Variants in GPC5 observed in about 807,000 individuals in gnomAD.
The protein encoded by GPC5 is glypican 5, also known as glypican-5.
In GPC5, 47 loss-of-function variants were observed where a neutral mutation model predicts 53.9. The observed-to-expected ratio is 0.87, with a 90% confidence interval of 0.69 to 1.11. GPC5 has a LOEUF of 1.11. Ranked by LOEUF, GPC5 falls within the 50% of genes most tolerant of loss-of-function variation. GPC5 has a pLI of 0.00. For synonymous variants in GPC5, 286 were observed against 263.3 expected (o/e 1.09, Z -0.84); for missense variants, 748 against 713.1 (o/e 1.05, Z -0.56).
chr13:91,655,891 GA>G (rs566737285), intron 2 of GPC5, among the ~76,000 whole-genome samples: 8 of 152,118 alleles, frequency 5.3e-5, no homozygotes, highest in Non-Finnish European at 1.0e-4. Context: ...CTTATGGGGT[GA>G]AAACAACTAT....
chr13:92,406,946 T>C (rs1875820897), intron 7 of GPC5, among the ~76,000 whole-genome samples: 1 of 152,218 alleles, frequency 6.6e-6, no homozygotes. Flanking sequence ...TTGCAGATTT[T>C]TTTAAATCTA....
At chr13:92,738,547 GCTGT>G (rs1174712003) in intron 7 of GPC5, among the ~76,000 whole-genome samples, 1 of 152,030 alleles carries the variant, frequency 6.6e-6, no homozygotes, top group Non-Finnish European at 1.5e-5. Context: ...TGAAAAATAT[GCTGT>G]CTGAGTGTGA....
intron 3 of GPC5, among the ~76,000 whole-genome samples, chr13:91,719,470 A>G (rs2036418247): frequency 6.6e-6 from 1 of 152,174 alleles, no homozygotes; most frequent in South Asian, 2.1e-4. Flanking sequence ...CTCAAATCCA[A>G]CACCAATACC....
intron 7 of GPC5, among the ~76,000 whole-genome samples, chr13:92,493,083 T>G (rs756176746): frequency 1.3e-5 from 2 of 152,228 alleles, no homozygotes; most frequent in African/African-American, 2.4e-5. Flanking sequence ...AGCTGTTCCT[T>G]CTTAACACAG....
chr13:92,296,918 ACCTGCAGC>A (rs2043039950), intron 7 of GPC5, among the ~76,000 whole-genome samples: 1 of 152,118 alleles, frequency 6.6e-6, no homozygotes, highest in Admixed American at 6.5e-5. Context: ...AGGGCTCGGG[ACCTGCAGC>A]CCGCCATGCC....
intron 5 of GPC5, among the ~76,000 whole-genome samples, chr13:91,841,725 A>C (rs148243253): frequency 0.013 from 1,950 of 152,272 alleles, 55 homozygotes; most frequent in African/African-American, 0.045. Flanking sequence ...AATGAGGGAA[A>C]TAAGAACAGA....
intron 2 of GPC5, among the ~76,000 whole-genome samples, chr13:91,674,526 TATGTGTATATATACGCATATATATGC>T: frequency 7.0e-6 from 1 of 142,184 alleles, no homozygotes; most frequent in African/African-American, 2.7e-5. Context: ...CATATATGCG[TATGTGTATATATACGCATATATATGC>T]GTATGTGTAT....
chr13:91,673,301 G>A (rs1322906186), intron 2 of GPC5, among the ~76,000 whole-genome samples: 1 of 152,000 alleles, frequency 6.6e-6, no homozygotes, highest in Non-Finnish European at 1.5e-5. Context: ...ATAAGAATCT[G>A]TAACCTGTCC....
At chr13:91,423,250 C>T (rs139960861) in intron 1 of GPC5, among the ~76,000 whole-genome samples, 3 of 152,252 alleles carry the variant, frequency 2.0e-5, no homozygotes, top group African/African-American at 7.2e-5. Context: ...AGTTTTGGAG[C>T]CACACTGCCA....
intron 5 of GPC5, among the ~76,000 whole-genome samples, chr13:91,884,098 T>G (rs1390721616): frequency 6.6e-6 from 1 of 152,068 alleles, no homozygotes; most frequent in Non-Finnish European, 1.5e-5. Flanking sequence ...AGTCAAAAAA[T>G]AACAGATGCT....
At chr13:91,949,453 A>G (rs1474216581) in intron 6 of GPC5, among the ~76,000 whole-genome samples, 3 of 152,160 alleles carry the variant, frequency 2.0e-5, no homozygotes, top group Non-Finnish European at 4.4e-5. Flanking sequence ...TACTTCAAAA[A>G]CCTACATACA....
intron 7 of GPC5, among the ~76,000 whole-genome samples, chr13:92,588,374 C>T (rs1290752370): frequency 6.6e-6 from 1 of 152,124 alleles, no homozygotes; most frequent in African/African-American, 2.4e-5. Flanking sequence ...AAAGAAAATG[C>T]ACATGTTTAT....
At chr13:92,122,195 A>G (rs1467564440) in intron 6 of GPC5, among the ~76,000 whole-genome samples, 23 of 152,148 alleles carry the variant, frequency 1.5e-4, no homozygotes, top group Admixed American at 1.4e-3. Flanking sequence ...AGCTTAGGCA[A>G]TTTAGGGTGC....
At chr13:92,178,820 CA>C (rs1348103495) in intron 7 of GPC5, among the ~76,000 whole-genome samples, 1 of 151,816 alleles carries the variant, frequency 6.6e-6, no homozygotes, top group Non-Finnish European at 1.5e-5. Flanking sequence ...ACTAAAAATA[CA>C]AAAAATTAGC....
intron 7 of GPC5, among the ~76,000 whole-genome samples, chr13:92,564,345 T>C (rs1882798217): frequency 6.6e-6 from 1 of 152,012 alleles, no homozygotes; most frequent in Admixed American, 6.6e-5. Context: ...AATTATACAA[T>C]TGGAGTTTTT....
intron 5 of GPC5, among the ~76,000 whole-genome samples, chr13:91,781,335 G>A (rs145619841): frequency 2.6e-5 from 4 of 152,170 alleles, no homozygotes; most frequent in Non-Finnish European, 5.9e-5. Context: ...CTATACTTAC[G>A]ATAGTGCGTA....
At chr13:92,647,435 TGAATCTAAGC>T (rs1885810361) in intron 7 of GPC5, among the ~76,000 whole-genome samples, 1 of 152,100 alleles carries the variant, frequency 6.6e-6, no homozygotes, top group Non-Finnish European at 1.5e-5. Flanking sequence ...TACAAAAAGC[TGAATCTAAGC>T]TGCCTACATA....
At chr13:92,799,133 T>C (rs1295476908) in intron 7 of GPC5, among the ~76,000 whole-genome samples, 5 of 151,766 alleles carry the variant, frequency 3.3e-5, no homozygotes, top group African/African-American at 1.2e-4. Context: ...ACCCCTCTCC[T>C]GTGGTAAATG....
chr13:92,816,695 C>T (rs1338096082), intron 7 of GPC5, among the ~76,000 whole-genome samples: 1 of 151,946 alleles, frequency 6.6e-6, no homozygotes, highest in Non-Finnish European at 1.5e-5. Context: ...TTGGGAGTTC[C>T]AGAGTATCTT....
Sources: gnomAD v4.1 joint callset for allele counts (sites outside exome capture counted in the v4.1 genomes callset) on GRCh38, gnomAD v4.1.1 for gene constraint, MANE v1.5 for transcripts, NCBI Gene and HGNC (gene_info 2026-07-23, HGNC 2026-07-21) for gene names.